The following ATP10B variants were observed in gnomAD, a reference collection of about 807,000 sequenced individuals.
ATP10B encodes phospholipid-transporting ATPase VB.
Under a neutral mutation model 141.2 loss-of-function variants are expected in ATP10B, and 122 were observed. The ratio of observed to expected loss-of-function variants is 0.86; its 90% CI spans 0.75 to 1.00. The LOEUF is 1.00. Ranked by LOEUF, ATP10B falls within the 50% of genes least tolerant of loss-of-function variation. The probability of loss-of-function intolerance (pLI) is 0.00; values close to 1 mark genes in which losing one functional copy is unlikely to be tolerated. For synonymous variants in ATP10B, 685 were observed against 692.0 expected (o/e 0.99, Z 0.16); for missense variants, 1,876 against 1,825.3 (o/e 1.03, Z -0.51).
At chr5:160,823,036 A>ATATATATATATATAT (rs1554121579) in intron 1 of ATP10B, among the ~76,000 whole-genome samples, 1 of 125,836 alleles carries the variant, frequency 7.9e-6, no homozygotes, top group Non-Finnish European at 1.7e-5. Context: ...ATATATATAT[A>ATATATATATATATAT]AAATAAAGAG....
intron 24 of ATP10B, among the ~76,000 whole-genome samples, chr5:160,584,072 G>C (rs1755725729): frequency 6.6e-6 from 1 of 151,666 alleles, no homozygotes. Flanking sequence ...GCACCACTGG[G>C]GTATGGAAAA....
Position 160,755,871 on chromosome 5 carries a change from A to G in ATP10B, c.-331+29688T>C, listed in dbSNP as rs111517742. On this transcript the variant is annotated intron_variant, in intron 2 of 25. Transcript: ENST00000327245. ...TATATATATATATATATATATATAT[A>G]TATATATTATAATTTTATGGAACCA... Among the ~76,000 whole-genome samples, 113 of 114,630 alleles carry G rather than the reference A, an allele frequency of 9.9e-4. 1 individual carries two copies. The East Asian group carries it at 0.02, about 20-fold the overall frequency. The allele number at this position is 114,630 out of a possible 152,430, so 75.2% of individuals were successfully genotyped here. A position where few individuals can be genotyped will look rare whatever the true frequency, so the allele number is the denominator to read the frequency against.
chr5:160,739,984 C>G (rs1355003366), intron 2 of ATP10B, among the ~76,000 whole-genome samples: 3 of 152,056 alleles, frequency 2.0e-5, no homozygotes, highest in Middle Eastern at 3.2e-3. Context: ...ACATTCTTTT[C>G]CTTTTTAAAA....
intron 24 of ATP10B, among the ~76,000 whole-genome samples, chr5:160,587,441 T>C (rs767171496): frequency 4.4e-4 from 67 of 152,346 alleles, no homozygotes; most frequent in Non-Finnish European, 7.5e-4. Context: ...ATATGAAATT[T>C]AAAGTAGATT....
chr5:160,772,151 T>C (rs559961298), intron 2 of ATP10B, among the ~76,000 whole-genome samples: 10 of 152,370 alleles, frequency 6.6e-5, no homozygotes, highest in African/African-American at 2.4e-4. Flanking sequence ...GAAGTGAAAT[T>C]GCTGGATCAT....
rs535553819 is a variant in ATP10B at position 160,673,090 on chromosome 5, G to A, written c.471-2423C>T. 1.6e-4 allele frequency among the ~76,000 whole-genome samples: 24 copies of A among 152,332 alleles called. 1 individual carries two copies. Among genetic ancestry groups the A allele is most frequent in the African/African-American group, 5.3e-4 (22 of 41,576 alleles). On this transcript the variant is annotated intron_variant, in intron 6 of 25. Coordinates refer to ENST00000327245, the MANE Select transcript of ATP10B (RefSeq NM_025153.3). ...TGCTCTGTGGCTCTGGGAGCTCAGT[G>A]CAGCAGACACGGTTAAATGTCATCC...
intron 2 of ATP10B, among the ~76,000 whole-genome samples, chr5:160,781,411 T>C (rs142437022): frequency 9.9e-4 from 150 of 152,166 alleles, no homozygotes; most frequent in African/African-American, 3.4e-3. Flanking sequence ...TGTTGTCGGT[T>C]TGTGATGGGT....
intron 4 of ATP10B, among the ~76,000 whole-genome samples, 153 bp downstream of exon 4, chr5:160,688,607 T>C (rs912992999): frequency 6.6e-6 from 1 of 152,230 alleles, no homozygotes; most frequent in Non-Finnish European, 1.5e-5. Flanking sequence ...ATTCTTTCTA[T>C]ACTTATTCCA....
chr5:160,900,448 C>T, the ATP10B span, among the ~76,000 whole-genome samples: 1 of 152,152 alleles, frequency 6.6e-6, no homozygotes, highest in African/African-American at 2.4e-5. Flanking sequence ...GATGCCCTGC[C>T]TCTTGTAAAT....
chr5:160,849,570 AATT>A (rs1753667783), intron 1 of ATP10B, among the ~76,000 whole-genome samples: 2 of 151,422 alleles, frequency 1.3e-5, no homozygotes, highest in South Asian at 4.2e-4. Flanking sequence ...AGTAACTAGC[AATT>A]ATTAAGTGCC....
chr5:160,888,508 G>A, the ATP10B span, among the ~76,000 whole-genome samples: 2 of 152,148 alleles, frequency 1.3e-5, no homozygotes, highest in African/African-American at 4.8e-5. Context: ...AGGGTCTGCC[G>A]CTGGTGAAAC....
chr5:160,585,828 C>T (rs1755849457), intron 24 of ATP10B, among the ~76,000 whole-genome samples: 1 of 152,170 alleles, frequency 6.6e-6, no homozygotes, highest in Admixed American at 6.5e-5. Context: ...TCTTCTTCTT[C>T]CCTTCCTCAT....
chr5:160,621,019 G>A (rs762734932), intron 14 of ATP10B, 69 bp from the exon 15 acceptor site: 11 of 1,506,496 alleles, frequency 7.3e-6, no homozygotes, highest in East Asian at 6.8e-5. Context: ...TGTCTTATGC[G>A]GAATATGAAG....
At chr5:160,873,038 T>A in the ATP10B span, among the ~76,000 whole-genome samples, 2 of 152,158 alleles carry the variant, frequency 1.3e-5, no homozygotes, top group South Asian at 4.1e-4. Flanking sequence ...TTGTGTCATC[T>A]ATGATTTCTT....
At chr5:160,890,238 G>A in the ATP10B span, among the ~76,000 whole-genome samples, 1 of 152,174 alleles carries the variant, frequency 6.6e-6, no homozygotes, top group Non-Finnish European at 1.5e-5. Flanking sequence ...ATCTAAAGAT[G>A]TTCTTTATGG....
chr5:160,799,519 G>A (rs1462721167), intron 1 of ATP10B, among the ~76,000 whole-genome samples: 1 of 152,202 alleles, frequency 6.6e-6, no homozygotes, highest in African/African-American at 2.4e-5. Context: ...TAATGCTGAT[G>A]TTTGCTTTGC....
At position 160,564,507 on chromosome 5, in the gene ATP10B, C is replaced by T. The variant is rs545721614; in HGVS notation, c.*946G>A. ...TGAATGGGGTTTCAGATTAGTTCTA[C>T]CCTTGAAGATGTCATTGTTTAAGCT... On this transcript the variant is annotated 3_prime_UTR_variant, in exon 26 of 26. Transcript: ENST00000327245. 2 of 152,222 alleles carry T rather than the reference C, an allele frequency of 1.3e-5. No individual in the cohort carries two copies. The highest frequency in any genetic ancestry group is 4.8e-5 in the African/African-American group (2 of 41,548). The allele number at this position is 152,222 out of a possible 1,614,324, so 9.4% of individuals were successfully genotyped here. A position where few individuals can be genotyped will look rare whatever the true frequency, so the allele number is the denominator to read the frequency against.
At chr5:160,719,706 A>C (rs1005396673) in intron 2 of ATP10B, among the ~76,000 whole-genome samples, 6 of 152,250 alleles carry the variant, frequency 3.9e-5, no homozygotes, top group Admixed American at 3.9e-4. Flanking sequence ...GAAAAGTAAA[A>C]TAATATGGCC....
the ATP10B span, among the ~76,000 whole-genome samples, chr5:160,889,814 T>TTC: frequency 6.6e-6 from 1 of 152,148 alleles, no homozygotes; most frequent in East Asian, 1.9e-4. Flanking sequence ...CAGGCTGCCT[T>TTC]TCCTGGCAGC....
Sources: gnomAD v4.1 joint callset for allele counts (sites outside exome capture counted in the v4.1 genomes callset) on GRCh38, gnomAD v4.1.1 for gene constraint, MANE v1.5 for transcripts, NCBI Gene and HGNC (gene_info 2026-07-23, HGNC 2026-07-21) for gene names.